The following RADIL variants were observed in gnomAD, a reference collection of about 807,000 sequenced individuals.
RADIL encodes ras-associating and dilute domain-containing protein.
In RADIL, 99 loss-of-function variants were observed where a neutral mutation model predicts 97.6. The ratio of observed to expected loss-of-function variants is 1.01; its 90% CI spans 0.86 to 1.20. The LOEUF (loss-of-function observed/expected upper bound fraction) is 1.20, where lower values mean the gene tolerates loss of function less well. RADIL is among the 50% of genes most tolerant of loss of function. The probability of loss-of-function intolerance (pLI) is 0.00; values close to 1 mark genes in which losing one functional copy is unlikely to be tolerated. For missense variants in RADIL, 1,765 were observed against 1,498.9 expected (o/e 1.18, Z -2.93); for synonymous variants, 803 against 691.8 (o/e 1.16, Z -2.52).
chr7:4,800,635 C>A (rs1782051602), intron 12 of RADIL, among the ~76,000 whole-genome samples: 1 of 152,106 alleles, frequency 6.6e-6, no homozygotes. Context: ...GCAATCTCTG[C>A]TCCTCCTCCT....
At chr7:4,841,314 G>T (rs529389949) in intron 2 of RADIL, among the ~76,000 whole-genome samples, 6 of 152,216 alleles carry the variant, frequency 3.9e-5, no homozygotes, top group Non-Finnish European at 5.9e-5. Flanking sequence ...AGGTTTAAGG[G>T]ATGCCCAGAA....
chr7:4,805,196 C>A (rs1782260056), intron 10 of RADIL: 1 of 259,740 alleles, frequency 3.9e-6, no homozygotes, highest in Non-Finnish European at 7.4e-6. Flanking sequence ...TGTGCACATA[C>A]ATGGCTCAGG....
intron 2 of RADIL, among the ~76,000 whole-genome samples, chr7:4,871,776 C>A (rs1303224678): frequency 6.6e-6 from 1 of 152,200 alleles, no homozygotes; most frequent in Admixed American, 6.5e-5. Context: ...GGGCACCAAC[C>A]CTTCCACAGG....
At chr7:4,831,896 A>C (rs572751036) in intron 5 of RADIL, among the ~76,000 whole-genome samples, 57 of 151,366 alleles carry the variant, frequency 3.8e-4, no homozygotes, top group African/African-American at 1.4e-3. Context: ...ACAAAACAAA[A>C]ACAAACAAAA....
intron 2 of RADIL, among the ~76,000 whole-genome samples, chr7:4,856,209 T>G (rs148079043): frequency 6.6e-6 from 1 of 152,032 alleles, no homozygotes; most frequent in South Asian, 2.1e-4. Context: ...GCGATTCTCC[T>G]GCATCGGCCT....
chr7:4,860,073 C>T (rs1461486207), intron 2 of RADIL: 2 of 1,614,010 alleles, frequency 1.2e-6, no homozygotes, highest in Non-Finnish European at 1.7e-6. Flanking sequence ...TTGGTATTCA[C>T]CTGTTGCAAG....
In RADIL at chr7:4,834,891, T is replaced by C; in HGVS notation, c.1132A>G (p.Ser378Gly). 3 of 1,462,936 alleles carry C rather than the reference T, an allele frequency of 2.1e-6. No individual in the cohort carries two copies. Among genetic ancestry groups the C allele is most frequent in the Non-Finnish European group, 2.7e-6 (3 of 1,108,972 alleles). 90.6% of individuals were successfully genotyped at this position (1,462,936 alleles called of 1,614,324 possible). Reference sequence around the variant, plus strand: ...AGCGCGGCCCCGCACAGCCGGCAGCTCTGCGGCACAGCCCGGAGGCGCGCC... The same window carrying C: ...AGCGCGGCCCCGCACAGCCGGCAGCCCTGCGGCACAGCCCGGAGGCGCGCC... ...ALARLRAVPQSCRLCGAALGA... is the reference protein window; with the variant it reads ...ALARLRAVPQGCRLCGAALGA... Residue 378 changes from serine to glycine, a missense_variant, in exon 4 of 15, where the codon AGC becomes GGC. Coordinates refer to ENST00000399583, the MANE Select transcript of RADIL (RefSeq NM_018059.5). This position sits in a 1 kb window ranked among gnomAD's most constrained non-coding sequence, Gnocchi z 6.0.
intron 2 of RADIL, among the ~76,000 whole-genome samples, chr7:4,876,808 C>T (rs928697477): frequency 6.6e-5 from 10 of 152,212 alleles, no homozygotes; most frequent in Non-Finnish European, 4.4e-5. Flanking sequence ...TCCCACCACC[C>T]AGGCACCCAC....
chr7:4,859,908 G>C (rs1041576287), intron 2 of RADIL: 3 of 1,606,260 alleles, frequency 1.9e-6, no homozygotes, highest in East Asian at 2.2e-5. Flanking sequence ...TATAGGATTA[G>C]ATATGTTTGT....
In RADIL at chr7:4,801,997, T is replaced by TAGGGAGAGGAAGGGTGACAGCTC; in HGVS notation, c.2500-25_2500-3dup. 2 of 1,505,306 alleles carry TAGGGAGAGGAAGGGTGACAGCTC rather than the reference T, an allele frequency of 1.3e-6. No individual in the cohort carries two copies. The highest frequency in any genetic ancestry group is 1.8e-6 in the Non-Finnish European group (2 of 1,129,268). The allele number at this position is 1,505,306 out of a possible 1,614,324, so 93.2% of individuals were successfully genotyped here. A position where few individuals can be genotyped will look rare whatever the true frequency, so the allele number is the denominator to read the frequency against. ...GTCAAGGACCACGTGGTGCATACCC[T>TAGGGAGAGGAAGGGTGACAGCTC]AGGGAGAGGAAGGGTGACAGCTCAG... On this transcript the variant is annotated splice_polypyrimidine_tract_variant and splice_region_variant and intron_variant, in intron 11 of 14. Coordinates refer to ENST00000399583, the MANE Select transcript of RADIL (RefSeq NM_018059.5).
chr7:4,877,927 A>T lies in RADIL; in HGVS notation c.213T>A (p.Ser71Arg). 1 of 1,608,078 alleles carries T rather than the reference A, an allele frequency of 6.2e-7. No individual in the cohort carries two copies. The highest frequency in any genetic ancestry group is 8.5e-7 in the Non-Finnish European group (1 of 1,179,974). ...APGVLKVFGDSVCTGTHYKSV... is the reference protein window; with the variant it reads ...APGVLKVFGDRVCTGTHYKSV... Reference sequence around the variant, plus strand: ...TCTTGTAGTGGGTTCCTGTGCAGACACTGTCCCCAAACACCTTCAGGACAC... The same window carrying T: ...TCTTGTAGTGGGTTCCTGTGCAGACTCTGTCCCCAAACACCTTCAGGACAC... Residue 71 changes from serine to arginine, a missense_variant, in exon 2 of 15, where the codon AGT becomes AGA. Ser to Arg is a moderately radical substitution (Grantham distance 110). Coordinates refer to ENST00000399583, the MANE Select transcript of RADIL (RefSeq NM_018059.5).
At position 4,835,388 on chromosome 7, in the gene RADIL, C is replaced by T. The variant is rs1235753052; in HGVS notation, c.784-149G>A. On this transcript the variant is annotated intron_variant, in intron 3 of 14. Coordinates refer to ENST00000399583, the MANE Select transcript of RADIL (RefSeq NM_018059.5). This position sits in a 1 kb window ranked among gnomAD's most constrained non-coding sequence, Gnocchi z 5.8. ...TCCCTGGCCACCCCCACACCAGAAC[C>T]CCGACGGCTCTCAGGAACCCGCCCC... 20 of 1,055,128 alleles carry T rather than the reference C, an allele frequency of 1.9e-5. No individual in the cohort carries two copies. The highest frequency in any genetic ancestry group is 2.7e-5 in the Non-Finnish European group (20 of 738,140). 65.4% of individuals were successfully genotyped at this position (1,055,128 alleles called of 1,614,324 possible). A position where few individuals can be genotyped will look rare whatever the true frequency, so the allele number is the denominator to read the frequency against.
rs1443495108 is a variant in RADIL, at chr7:4,819,070, CTCTT to C, written c.1616-1723_1616-1720del. Among the ~76,000 whole-genome samples the C allele has an allele frequency of 6.5e-5, 9 of 137,828 alleles. No homozygotes were observed. The highest frequency in any genetic ancestry group is 2.1e-4 in the African/African-American group (7 of 32,914). The allele number at this position is 137,828 out of a possible 152,430, so 90.4% of individuals were successfully genotyped here. A position where few individuals can be genotyped will look rare whatever the true frequency, so the allele number is the denominator to read the frequency against. On this transcript the variant is annotated intron_variant, in intron 6 of 14. Coordinates refer to ENST00000399583, the MANE Select transcript of RADIL (RefSeq NM_018059.5). This position sits in a 1 kb window ranked among gnomAD's most constrained non-coding sequence, Gnocchi z 5.8. ...AGACTCCATTTCTCTCTCTCTCTCT[CTCTT>C]TTTTTTTTTTTTTTAAAGACAGAGT... is the stretch of plus-strand genomic sequence containing the variant.
intron 1 of RADIL, among the ~76,000 whole-genome samples, chr7:4,882,405 G>C (rs1164542165): frequency 6.6e-6 from 1 of 152,234 alleles, no homozygotes. Context: ...AAAGCGCAGG[G>C]CTCGGACAGC....
intron 5 of RADIL, among the ~76,000 whole-genome samples, chr7:4,831,922 C>T (rs887838017): frequency 8.5e-5 from 13 of 152,078 alleles, no homozygotes; most frequent in African/African-American, 3.1e-4. Flanking sequence ...AGACCTCACC[C>T]ATCCAGTCTT....
intron 3 of RADIL, among the ~76,000 whole-genome samples, chr7:4,836,126 G>T (rs1176689042): frequency 2.6e-5 from 4 of 152,216 alleles, no homozygotes; most frequent in African/African-American, 9.6e-5. Flanking sequence ...CTCTGGGATT[G>T]GGGAAGTGAG....
At chr7:4,851,051 A>G (rs1433289918) in intron 2 of RADIL, among the ~76,000 whole-genome samples, 2 of 152,090 alleles carry the variant, frequency 1.3e-5, no homozygotes, top group Admixed American at 1.3e-4. Flanking sequence ...AAAATGCAAG[A>G]AAAAGTAGCC....
chr7:4,875,831 G>A (rs756919303), intron 2 of RADIL, among the ~76,000 whole-genome samples: 15 of 152,196 alleles, frequency 9.9e-5, no homozygotes, highest in Admixed American at 5.2e-4. Flanking sequence ...CCGGATCACC[G>A]GTCCTTCCAA....
intron 2 of RADIL, among the ~76,000 whole-genome samples, chr7:4,839,583 T>C (rs924093406): frequency 2.6e-5 from 4 of 152,184 alleles, no homozygotes; most frequent in African/African-American, 9.7e-5. Context: ...ATATGTTATA[T>C]ATAATTTATG....
Sources: allele counts gnomAD v4.1 joint callset (sites outside exome capture counted in the v4.1 genomes callset), GRCh38; gene constraint gnomAD v4.1.1; non-coding constraint Gnocchi (gnomAD v3.1); transcripts MANE v1.5; gene names NCBI Gene and HGNC (gene_info 2026-07-23, HGNC 2026-07-21).